Variants in NLK observed in about 807,000 individuals in gnomAD.
The protein encoded by NLK is serine/threonine-protein kinase NLK.
NLK carries 11 observed loss-of-function variants against 59.0 expected under a neutral mutation model. That is an observed-to-expected ratio of 0.19 (90% CI 0.12 to 0.31). The LOEUF is 0.31. Among genes scored for constraint, NLK ranks in the 10% least tolerant of loss-of-function variants. NLK has a pLI of 1.00. For synonymous variants in NLK, 235 were observed against 235.9 expected, an observed-to-expected ratio of 1.00 and a Z score of 0.03; for missense variants, 410 against 661.1, an observed-to-expected ratio of 0.62 and a Z score of 4.16.
rs760417549 is a variant in NLK at position 28,168,641 on chromosome 17, A to T, written c.1031A>T (p.Gln344Leu). Residue 344 changes from glutamine to leucine, a missense_variant, in exon 6 of 11, where the codon CAG becomes CTG. Physicochemically the swap from Gln to Leu is moderately radical, Grantham distance 113. Around this residue, in one of 5 missense-constraint regions of NLK, gnomAD observed 150 missense variants for 244.3 expected, o/e 0.61. Transcript: ENST00000407008. ...LLGRRILFQAQSPIQQLDLIT... is the reference protein window; with the variant it reads ...LLGRRILFQALSPIQQLDLIT... ...GGACGAAGAATATTGTTTCAGGCAC[A>T]GAGTCCCATTCAGCAGGTATGATTT... The T allele has an allele frequency of 6.2e-7, 1 of 1,613,482 alleles. No individual in the cohort carries two copies. The highest frequency in any genetic ancestry group is 8.5e-7 in the Non-Finnish European group (1 of 1,179,404).
intron 2 of NLK, among the ~76,000 whole-genome samples, chr17:28,124,344 C>T (rs1444837750): frequency 1.3e-5 from 2 of 152,016 alleles, no homozygotes; most frequent in Non-Finnish European, 2.9e-5. Flanking sequence ...GACAACATAA[C>T]GAGACCTCAT....
At chr17:28,062,949 G>A (rs2142748764) in intron 1 of NLK, among the ~76,000 whole-genome samples, 1 of 152,152 alleles carries the variant, frequency 6.6e-6, no homozygotes, top group South Asian at 2.1e-4. Flanking sequence ...TTTTTATTTT[G>A]GTTTTTGAGA....
intron 1 of NLK, among the ~76,000 whole-genome samples, chr17:28,059,379 TGAAAA>T (rs1204420763): frequency 6.6e-6 from 1 of 152,158 alleles, no homozygotes; most frequent in Non-Finnish European, 1.5e-5. Flanking sequence ...TCCTTTATTT[TGAAAA>T]GAAATAGTCC....
At chr17:28,180,324 C>T (rs1371025786) in intron 7 of NLK, among the ~76,000 whole-genome samples, 3 of 152,084 alleles carry the variant, frequency 2.0e-5, no homozygotes, top group Admixed American at 2.0e-4. Context: ...TTTAAAAATT[C>T]TGCCTTTTAA....
At chr17:28,121,273 T>A (rs1032943930) in intron 1 of NLK, among the ~76,000 whole-genome samples, 3 of 151,342 alleles carry the variant, frequency 2.0e-5, no homozygotes, top group Admixed American at 2.0e-4. Context: ...CATTGGATGA[T>A]CAGAACAGGG....
chr17:28,094,408 C>T (rs1019375896), intron 1 of NLK, among the ~76,000 whole-genome samples: 7 of 152,156 alleles, frequency 4.6e-5, no homozygotes, highest in African/African-American at 1.7e-4. Context: ...ACTAGTAGTG[C>T]ATTATTAACC....
Position 28,122,790 on chromosome 17 carries a change from T to C in NLK, c.588+58T>C, listed in dbSNP as rs35015322. Reference sequence around the variant, plus strand: ...TCCTAAGCCTCCTGCATTGAATTAGTAAAGAGCAGATGAAAGTTTAAAAGG... The same window carrying C: ...TCCTAAGCCTCCTGCATTGAATTAGCAAAGAGCAGATGAAAGTTTAAAAGG... On this transcript the variant is annotated intron_variant, in intron 2 of 10. Coordinates refer to ENST00000407008, the MANE Select transcript of NLK (RefSeq NM_016231.5). The C allele has an allele frequency of 2.2e-3, 3,468 of 1,595,096 alleles. 67 individuals carry two copies. In the African/African-American group the frequency reaches 0.04, roughly 19 times the overall value.
At chr17:28,125,466 T>G (rs1906254114) in intron 2 of NLK, among the ~76,000 whole-genome samples, 1 of 152,214 alleles carries the variant, frequency 6.6e-6, no homozygotes, top group African/African-American at 2.4e-5. Context: ...TTGCAGAAAT[T>G]AAATTTTTTT....
At chr17:28,133,179 A>G (rs1192280371) in intron 3 of NLK, among the ~76,000 whole-genome samples, 1 of 152,220 alleles carries the variant, frequency 6.6e-6, no homozygotes, top group Admixed American at 6.5e-5. Flanking sequence ...TATAGTTTTT[A>G]TCAGATGCCG....
At position 28,064,934 on chromosome 17, in the gene NLK, T is replaced by A. The variant is rs181656950; in HGVS notation, c.458+21603T>A. Among the ~76,000 whole-genome samples, 3 of 152,310 alleles carry A rather than the reference T, an allele frequency of 2.0e-5. No homozygotes were observed. The East Asian group carries it at 5.8e-4, about 29-fold the overall frequency. Reference sequence around the variant, plus strand: ...GCCTGTAGTCAACACTCAATAAATATTAGCTGTTTTAATTGTTATCTCTTA... The same window carrying A: ...GCCTGTAGTCAACACTCAATAAATAATAGCTGTTTTAATTGTTATCTCTTA... On this transcript the variant is annotated intron_variant, in intron 1 of 10. Transcript: ENST00000407008.
Position 28,172,504 on chromosome 17 carries a change from T to G in NLK, c.1048-13T>G. 6.5e-7 allele frequency: 1 copy of G among 1,539,462 alleles called. No individual in the cohort carries two copies. The highest frequency in any genetic ancestry group is 8.8e-7 in the Non-Finnish European group (1 of 1,136,936). On this transcript the variant is annotated splice_polypyrimidine_tract_variant and intron_variant, in intron 6 of 10. Coordinates refer to ENST00000407008, the MANE Select transcript of NLK (RefSeq NM_016231.5). ...ATGAGATTACTATCTATCTGTATTT[T>G]ATTTCCTTGTAGTTGGATTTGATCA...
In NLK at chr17:28,194,705, G is replaced by A. The variant is rs1909423868; in HGVS notation, c.*69G>A. Reference sequence around the variant, plus strand: ...ACTGGAGTCTGGGATTTGCAATTCTGGAGGTTAATCATGCTTGTACTGTAA... The same window carrying A: ...ACTGGAGTCTGGGATTTGCAATTCTAGAGGTTAATCATGCTTGTACTGTAA... On this transcript the variant is annotated 3_prime_UTR_variant, in exon 11 of 11. Coordinates refer to ENST00000407008, the MANE Select transcript of NLK (RefSeq NM_016231.5). The A allele has an allele frequency of 2.6e-6, 3 of 1,134,440 alleles. No individual in the cohort carries two copies. The highest frequency in any genetic ancestry group is 2.6e-6 in the Non-Finnish European group (2 of 775,168). 70.3% of individuals were successfully genotyped at this position (1,134,440 alleles called of 1,614,324 possible).
At chr17:28,090,950 T>C (rs1046496320) in intron 1 of NLK, among the ~76,000 whole-genome samples, 2 of 152,204 alleles carry the variant, frequency 1.3e-5, no homozygotes, top group Non-Finnish European at 2.9e-5. Flanking sequence ...AATGTAATTT[T>C]CTTCATGTTT....
At chr17:28,177,281 A>C (rs781016305) in intron 7 of NLK, among the ~76,000 whole-genome samples, 2 of 152,228 alleles carry the variant, frequency 1.3e-5, no homozygotes, top group Non-Finnish European at 2.9e-5. Flanking sequence ...GGTCAACTGT[A>C]TACATATACA....
intron 1 of NLK, among the ~76,000 whole-genome samples, chr17:28,044,210 G>A (rs1283470698): frequency 3.3e-5 from 5 of 152,150 alleles, no homozygotes; most frequent in African/African-American, 1.2e-4. Flanking sequence ...AAATATGTTT[G>A]TTCCTATCAA....
At chr17:28,155,837 A>G (rs368896089) in intron 3 of NLK, among the ~76,000 whole-genome samples, 19 of 152,254 alleles carry the variant, frequency 1.2e-4, no homozygotes, top group African/African-American at 4.6e-4. Flanking sequence ...GTGAATGATG[A>G]TTTGATGGGC....
intron 3 of NLK, among the ~76,000 whole-genome samples, chr17:28,149,055 ATGT>A (rs1907371841): frequency 6.6e-6 from 1 of 152,222 alleles, no homozygotes; most frequent in East Asian, 1.9e-4. Flanking sequence ...ATTACTTTTC[ATGT>A]TGTTGTTAAA....
At chr17:28,093,845 T>A (rs1904600733) in intron 1 of NLK, among the ~76,000 whole-genome samples, 1 of 152,248 alleles carries the variant, frequency 6.6e-6, no homozygotes, top group South Asian at 2.1e-4. Context: ...ATTTGTGTTT[T>A]ACTGGACTAA....
At chr17:28,128,621 C>T (rs547660906) in intron 2 of NLK, among the ~76,000 whole-genome samples, 1 of 152,210 alleles carries the variant, frequency 6.6e-6, no homozygotes, top group African/African-American at 2.4e-5. Flanking sequence ...ACTATGTACC[C>T]AACAGATTGG....
Sources: gnomAD v4.1 joint callset for allele counts (sites outside exome capture counted in the v4.1 genomes callset) on GRCh38, gnomAD v4.1.1 for gene constraint, gnomAD v4.1.1 regional missense constraint, MANE v1.5 for transcripts, NCBI Gene and HGNC (gene_info 2026-07-23, HGNC 2026-07-21) for gene names.